The following FRMD7 variants were observed in gnomAD, a reference collection of about 807,000 sequenced individuals.
The protein encoded by FRMD7 is FERM domain-containing protein 7.
Under a neutral mutation model 44.1 loss-of-function variants are expected in FRMD7, and 14 were observed. That is an observed-to-expected ratio of 0.32 (90% confidence interval 0.21 to 0.50). The LOEUF (loss-of-function observed/expected upper bound fraction) is 0.50. Among genes scored for constraint, FRMD7 ranks in the 20% least tolerant of loss-of-function variants. The pLI is 0.99. For missense variants in FRMD7, 501 were observed against 522.3 expected (o/e 0.96, Z 0.40); for synonymous variants, 212 against 187.4 (o/e 1.13, Z -1.07).
At chrX:132,087,207 A>G (rs1228713819) in intron 5 of FRMD7, among the ~76,000 whole-genome samples, 1 of 111,730 alleles carries the variant, frequency 9.0e-6, no homozygotes, top group African/African-American at 3.3e-5. Flanking sequence ...CCCTGAAGTC[A>G]AACTTTAGAA....
At position 132,102,725 on chromosome X, in the gene FRMD7, C is replaced by T. The variant is rs989258408; in HGVS notation, c.58-2009G>A. ...CACTTCAGTCATGAGGACCAAATTC[C>T]ATCATACACTCCAGTTTTTTTTTGC... On this transcript the variant is annotated intron_variant, in intron 1 of 11. Coordinates refer to ENST00000298542, the MANE Select transcript of FRMD7 (RefSeq NM_194277.3). Among the ~76,000 whole-genome samples, 26 of 111,758 alleles carry T rather than the reference C, an allele frequency of 2.3e-4. 1 individual carries two copies. The highest frequency in any genetic ancestry group is 5.9e-4 in the African/African-American group (18 of 30,747).
rs1927648628 is a variant in FRMD7 at position 132,077,733 on chromosome X, T to C, written c.*139A>G. On this transcript the variant is annotated 3_prime_UTR_variant, in exon 12 of 12. Transcript: ENST00000298542. ...AATGAGGCAACAGCTGGATCTTTCA[T>C]AAGGCAGGCATCCAAAATGAGATTT... 3 of 888,773 alleles carry C rather than the reference T, an allele frequency of 3.4e-6. No homozygotes were observed. The South Asian group carries it at 7.5e-5, about 22-fold the overall frequency. 73.2% of individuals were successfully genotyped at this position (888,773 alleles called of 1,213,427 possible).
chrX:132,123,503 T>C (rs1295583902), intron 1 of FRMD7, among the ~76,000 whole-genome samples: 2 of 112,141 alleles, frequency 1.8e-5, no homozygotes, highest in African/African-American at 6.5e-5. Context: ...ACAGAATCAG[T>C]TATCTATTTC....
rs763459774 is a variant in FRMD7, at chrX:132,098,954, G to A, written c.205+514C>T. Among the ~76,000 whole-genome samples, 9 of 112,038 alleles carry A rather than the reference G, an allele frequency of 8.0e-5. No individual in the cohort carries two copies. In the East Asian group the frequency reaches 2.5e-3, roughly 31 times the overall value. ...AGGTTATTGGCAACTCAGGAATAAG[G>A]CCCAGGAATCGGCATTTAACAAGAA... On this transcript the variant is annotated intron_variant, in intron 3 of 11. Transcript: ENST00000298542.
At chrX:132,112,468 A>T (rs139441224) in intron 1 of FRMD7, among the ~76,000 whole-genome samples, 2 of 111,921 alleles carry the variant, frequency 1.8e-5, no homozygotes, top group East Asian at 5.6e-4. Context: ...GCACAGTTTG[A>T]CTGGGTACTT....
chrX:132,084,396 G>A (rs972031615), intron 8 of FRMD7, 94 bp downstream of exon 8: 2 of 578,404 alleles, frequency 3.5e-6, no homozygotes, highest in Non-Finnish European at 6.2e-6. Flanking sequence ...AGGGCCAGCC[G>A]GCTTTTACAA....
intron 1 of FRMD7, among the ~76,000 whole-genome samples, chrX:132,106,254 T>C (rs1031513413): frequency 8.9e-6 from 1 of 112,131 alleles, no homozygotes; most frequent in Non-Finnish European, 1.9e-5. Flanking sequence ...ACAAGCATAT[T>C]AAAAAACTCA....
chrX:132,081,777 T>A (rs372767010), intron 9 of FRMD7, among the ~76,000 whole-genome samples: 22 of 112,304 alleles, frequency 2.0e-4, no homozygotes, highest in Admixed American at 5.6e-4. Flanking sequence ...TCTTTTTTTT[T>A]ATTTTATTAT....
rs553135832 is a variant in FRMD7 at position 132,089,825 on chromosome X, C to T, written c.383-3791G>A. Among the ~76,000 whole-genome samples the T allele has an allele frequency of 1.6e-4, 18 of 111,863 alleles. No homozygotes were observed. The South Asian group carries it at 6.3e-3, about 39-fold the overall frequency. On this transcript the variant is annotated intron_variant, in intron 5 of 11. Transcript: ENST00000298542. ...GAATGGTCATAATCAAAAAGATATA[C>T]AATACCAAGTGTTAGTGAAGGTATG... is the stretch of plus-strand genomic sequence containing the variant.
At chrX:132,095,325 C>A (rs1928298687) in intron 4 of FRMD7, among the ~76,000 whole-genome samples, 2 of 110,349 alleles carry the variant, frequency 1.8e-5, no homozygotes, top group Non-Finnish European at 3.8e-5. Context: ...CAACTCCTGA[C>A]CTCAGTTGAT....
chrX:132,085,675 A>C lies in FRMD7; in HGVS notation c.551T>G (p.Leu184Arg). The change falls in exon 7 of 12, where the codon CTG (leucine) becomes CGG (arginine). Residue 184 changes from leucine to arginine, a missense_variant. This residue lies in a region of FRMD7 where 453 missense variants were observed against 452.7 expected (regional missense o/e 1.00). Coordinates refer to ENST00000298542, the MANE Select transcript of FRMD7 (RefSeq NM_194277.3). ...GTGAGGCCTGATGCCATACATATCCAGCTTCCTTGCTATGTCCAGTAGCAG... is the reference window on the plus strand; with the variant it reads ...GTGAGGCCTGATGCCATACATATCCCGCTTCCTTGCTATGTCCAGTAGCAG... Reference protein sequence around the residue: ...DILLLDIARKLDMYGIRPHPA... With the variant: ...DILLLDIARKRDMYGIRPHPA... The C allele has an allele frequency of 3.3e-6, 4 of 1,210,063 alleles. No homozygotes were observed. Among genetic ancestry groups the C allele is most frequent in the Non-Finnish European group, 4.5e-6 (4 of 893,891 alleles).
intron 1 of FRMD7, among the ~76,000 whole-genome samples, chrX:132,111,910 A>G (rs1412240051): frequency 8.9e-6 from 1 of 112,254 alleles, no homozygotes; most frequent in Non-Finnish European, 1.9e-5. Flanking sequence ...ATTTACAGAG[A>G]GCTTAAACCC....
intron 1 of FRMD7, among the ~76,000 whole-genome samples, chrX:132,120,374 C>T (rs1929004347): frequency 8.9e-6 from 1 of 112,728 alleles, no homozygotes; most frequent in South Asian, 3.6e-4. Flanking sequence ...ACTTCTGCTA[C>T]TCCTCCCCAG....
At chrX:132,081,664 TC>T (rs1365403229) in intron 9 of FRMD7, among the ~76,000 whole-genome samples, 1 of 112,733 alleles carries the variant, frequency 8.9e-6, no homozygotes, top group Non-Finnish European at 1.9e-5. Flanking sequence ...TTGGAAAAAA[TC>T]CTGTATGGGG....
chrX:132,086,052 GA>G lies in FRMD7; in HGVS notation c.383-19del, dbSNP rs1217100770. On this transcript the variant is annotated intron_variant, in intron 5 of 11. Transcript: ENST00000298542. ...AAGTTCTGCTGCATGACAGGAAAAA[GA>G]CATTTTTCACATTACCTTTGAGGAA... 2.9e-6 allele frequency: 3 copies of G among 1,020,423 alleles called. No homozygotes were observed. The African/African-American group carries it at 5.6e-5, about 19-fold the overall frequency. 84.1% of individuals were successfully genotyped at this position (1,020,423 alleles called of 1,213,427 possible).
At chrX:132,112,446 C>A (rs1315529860) in intron 1 of FRMD7, among the ~76,000 whole-genome samples, 1 of 111,713 alleles carries the variant, frequency 9.0e-6, no homozygotes, top group African/African-American at 3.3e-5. Context: ...CAGCAATAAA[C>A]CCTGGAGGGA....
intron 4 of FRMD7, 178 bp from the exon 5 acceptor site, chrX:132,094,317 C>G (rs1452489758): frequency 3.9e-5 from 17 of 440,664 alleles, no homozygotes; most frequent in Non-Finnish European, 4.0e-6. Flanking sequence ...CAGACCCGGA[C>G]CACAACTCAG....
chrX:132,097,422 C>T, intron 3 of FRMD7, 78 bp from the exon 4 acceptor site: 2 of 598,334 alleles, frequency 3.3e-6, no homozygotes, highest in East Asian at 3.3e-5. Context: ...CACACACACA[C>T]ACACACCCAC....
intron 1 of FRMD7, among the ~76,000 whole-genome samples, chrX:132,120,252 G>T (rs893415748): frequency 5.3e-5 from 6 of 112,660 alleles, no homozygotes; most frequent in Non-Finnish European, 9.4e-5. Flanking sequence ...CAAATGCAGG[G>T]TATTTAAAAG....
Sources: gnomAD v4.1 joint callset for allele counts (sites outside exome capture counted in the v4.1 genomes callset) on GRCh38, gnomAD v4.1.1 for gene constraint, gnomAD v4.1.1 regional missense constraint, MANE v1.5 for transcripts, NCBI Gene and HGNC (gene_info 2026-07-23, HGNC 2026-07-21) for gene names.